The following NEURL3 variants were observed in gnomAD, a reference collection of about 807,000 sequenced individuals.
NEURL3 encodes the protein neuralized E3 ubiquitin protein ligase 3, also known as E3 ubiquitin-protein ligase NEURL3.
A neutral mutation model predicts 17.6 loss-of-function variants in NEURL3; 19 were observed. The observed-to-expected ratio is 1.08, with a 90% CI of 0.75 to 1.58. The LOEUF (loss-of-function observed/expected upper bound fraction) is 1.58, where lower values mean the gene tolerates loss of function less well. Among genes scored for constraint, NEURL3 ranks in the 40% most tolerant of loss-of-function variants. The pLI is 0.00. For synonymous variants in NEURL3, 180 were observed against 161.4 expected, an observed-to-expected ratio of 1.11 and a Z score of -0.87; for missense variants, 342 against 379.6, an observed-to-expected ratio of 0.90 and a Z score of 0.82.
chr2:96,500,430 T>A lies in NEURL3; in HGVS notation c.514+9A>T, dbSNP rs780121857. The A allele has an allele frequency of 2.5e-6, 4 of 1,596,970 alleles. No homozygotes were observed. The highest frequency in any genetic ancestry group is 3.4e-6 in the Non-Finnish European group (4 of 1,179,150). ...CACCTCCCCTGCGGGGTCCCCATGGTCGCCTCACCCAGCAGCTCGATGGCC... is the reference window on the plus strand; with the variant it reads ...CACCTCCCCTGCGGGGTCCCCATGGACGCCTCACCCAGCAGCTCGATGGCC... On this transcript the variant is annotated intron_variant, in intron 2 of 3. Coordinates refer to ENST00000451794, the MANE Select transcript of NEURL3 (RefSeq NM_001285485.2).
intron 1 of NEURL3, 26 bp from the exon 2 acceptor site, chr2:96,500,950 AGT>A (rs2065501785): frequency 1.3e-6 from 2 of 1,532,342 alleles, no homozygotes; most frequent in Non-Finnish European, 1.7e-6. Flanking sequence ...GGGGAGTGTC[AGT>A]GCTAACCGGG....
rs935253698 is a variant in NEURL3, at chr2:96,498,672, A to G, written c.587-226T>C. Among the ~76,000 whole-genome samples, 1 of 152,260 alleles carries G rather than the reference A, an allele frequency of 6.6e-6. No homozygotes were observed. The highest frequency in any genetic ancestry group is 1.5e-5 in the Non-Finnish European group (1 of 68,040). Reference sequence around the variant, plus strand: ...TTTAGAGAGAAGGAAAACGCAGCACAGACAAGTCCCTATATACACACGTCT... The same window carrying G: ...TTTAGAGAGAAGGAAAACGCAGCACGGACAAGTCCCTATATACACACGTCT... On this transcript the variant is annotated intron_variant, in intron 3 of 3. Coordinates refer to ENST00000451794, the MANE Select transcript of NEURL3 (RefSeq NM_001285485.2). The surrounding 1 kb of genome is among the most constrained non-coding windows in gnomAD (Gnocchi z 4.4).
chr2:96,502,225 T>G (rs2579505), intron 1 of NEURL3, among the ~76,000 whole-genome samples: 1 of 152,144 alleles, frequency 6.6e-6, no homozygotes, highest in East Asian at 1.9e-4. Flanking sequence ...CATCCCTTCC[T>G]GCGAATCCCA....
chr2:96,500,244 G>T, intron 2 of NEURL3, 195 bp downstream of exon 2: 1 of 695,064 alleles, frequency 1.4e-6, no homozygotes, highest in Non-Finnish European at 2.4e-6. Context: ...CATTCTTTAG[G>T]GACAAGACTG....
Position 96,498,413 on chromosome 2 carries a change from T to C in NEURL3, c.620A>G (p.Tyr207Cys), listed in dbSNP as rs1227121165. 8.1e-6 allele frequency: 13 copies of C among 1,598,674 alleles called. No individual in the cohort carries two copies. Among genetic ancestry groups the C allele is most frequent in the African/African-American group, 4.0e-5 (3 of 74,870 alleles). The change falls in exon 4 of 4, where the codon TAT becomes TGT. Residue 207 changes from tyrosine to cysteine, a missense_variant. Coordinates refer to ENST00000451794, the MANE Select transcript of NEURL3 (RefSeq NM_001285485.2). The surrounding 1 kb of genome is among the most constrained non-coding windows in gnomAD (Gnocchi z 4.4). ...TPGEECAICF[Y>C]HAANTRLVPC... Reference sequence around the variant, plus strand: ...CACAAGGCGGGTGTTGGCAGCGTGATAGAAGCAGATGGCACACTCCTCTCC... The same window carrying C: ...CACAAGGCGGGTGTTGGCAGCGTGACAGAAGCAGATGGCACACTCCTCTCC...
At chr2:96,506,240 C>T (rs374119138), upstream of NEURL3, among the ~76,000 whole-genome samples, 23 of 152,222 alleles carry the variant, frequency 1.5e-4, no homozygotes, top group African/African-American at 5.3e-4. Flanking sequence ...CAGGGTCTCA[C>T]TGTCATTCAG....
At chr2:96,501,213 G>GTTTGT (rs773630022) in intron 1 of NEURL3, among the ~76,000 whole-genome samples, 6 of 152,032 alleles carry the variant, frequency 3.9e-5, no homozygotes, top group Non-Finnish European at 5.9e-5. Context: ...CGGTTTTTTT[G>GTTTGT]TTTGTTTTGT....
At position 96,498,055 on chromosome 2, in the gene NEURL3, C is replaced by T. The variant is rs1006755089; in HGVS notation, c.*189G>A. On this transcript the variant is annotated 3_prime_UTR_variant, in exon 4 of 4. Transcript: ENST00000451794. This position sits in a 1 kb window ranked among gnomAD's most constrained non-coding sequence, Gnocchi z 4.4. ...GGACAGAAAGAGGGGTTTTTCCTTGCTATCCTGTTGGGGAACAGGTGGAGG... is the reference window on the plus strand; with the variant it reads ...GGACAGAAAGAGGGGTTTTTCCTTGTTATCCTGTTGGGGAACAGGTGGAGG... The T allele has an allele frequency of 2.8e-5, 17 of 607,734 alleles. No homozygotes were observed. Among genetic ancestry groups the T allele is most frequent in the African/African-American group, 2.8e-4 (15 of 53,744 alleles). The allele number at this position is 607,734 out of a possible 1,614,324, so 37.6% of individuals were successfully genotyped here. A position where few individuals can be genotyped will look rare whatever the true frequency, so the allele number is the denominator to read the frequency against.
At chr2:96,501,873 C>A (rs1304143627) in intron 1 of NEURL3, among the ~76,000 whole-genome samples, 1 of 152,112 alleles carries the variant, frequency 6.6e-6, no homozygotes, top group South Asian at 2.1e-4. Context: ...AAGGCGAATT[C>A]AATCAGAACT....
intron 1 of NEURL3, among the ~76,000 whole-genome samples, chr2:96,503,439 T>C (rs1247018208): frequency 6.6e-6 from 1 of 152,134 alleles, no homozygotes; most frequent in Admixed American, 6.5e-5. Context: ...TCTGTGCTGC[T>C]CACTCAGGCT....
Position 96,499,466 on chromosome 2 carries a change from A to AACTC in NEURL3, c.515-21_515-18dup, listed in dbSNP as rs1284218275. 1 of 1,598,952 alleles carries AACTC rather than the reference A, an allele frequency of 6.3e-7. No homozygotes were observed. The highest frequency in any genetic ancestry group is 8.5e-7 in the Non-Finnish European group (1 of 1,179,438). On this transcript the variant is annotated splice_polypyrimidine_tract_variant and intron_variant, in intron 2 of 3. Coordinates refer to ENST00000451794, the MANE Select transcript of NEURL3 (RefSeq NM_001285485.2). ...CTGTGGGATCTGAGGCAGAGAGAGA[A>AACTC]ACTCAGGTCCAGGACGGCAAGCCCA...
At position 96,500,640 on chromosome 2, in the gene NEURL3, T is replaced by C; in HGVS notation, c.313A>G (p.Ser105Gly). 6.6e-7 allele frequency: 1 copy of C among 1,519,220 alleles called. No individual in the cohort carries two copies. Among genetic ancestry groups the C allele is most frequent in the Non-Finnish European group, 8.8e-7 (1 of 1,140,294 alleles). 94.1% of individuals were successfully genotyped at this position (1,519,220 alleles called of 1,614,324 possible). ...PFLCPDLEEQ[S>G]PTWAAVLPEG... ...GGCAGCACGGCCGCCCACGTCGGGC[T>C]CTGCTCCTCCAGGTCGGGGCACAGG... is the stretch of plus-strand genomic sequence containing the variant. Residue 105 changes from serine (S) to glycine (G), a missense_variant, in exon 2 of 4, where the codon AGC (serine) becomes GGC (glycine). Physicochemically the swap from Ser to Gly is moderately conservative, Grantham distance 56. Transcript: ENST00000451794.
Position 96,498,587 on chromosome 2 carries a change from A to C in NEURL3, c.587-141T>G. On this transcript the variant is annotated intron_variant, in intron 3 of 3. Transcript: ENST00000451794. This position sits in a 1 kb window ranked among gnomAD's most constrained non-coding sequence, Gnocchi z 4.4. Reference sequence around the variant, plus strand: ...CCTAGTGAGGAAATGCTTACAGTGTAATCAAGTGAAAAAAAGGGGGAAGAA... The same window carrying C: ...CCTAGTGAGGAAATGCTTACAGTGTCATCAAGTGAAAAAAAGGGGGAAGAA... 2.5e-6 allele frequency: 2 copies of C among 799,934 alleles called. No homozygotes were observed. Among genetic ancestry groups the C allele is most frequent in the South Asian group, 3.8e-5 (2 of 53,194 alleles). 49.6% of individuals were successfully genotyped at this position (799,934 alleles called of 1,614,324 possible). A position where few individuals can be genotyped will look rare whatever the true frequency, so the allele number is the denominator to read the frequency against.
At chr2:96,499,535 G>A (rs1000952912) in intron 2 of NEURL3, 86 bp from the exon 3 acceptor site, 69 of 1,239,820 alleles carry the variant, frequency 5.6e-5, no homozygotes, top group South Asian at 2.5e-4. Flanking sequence ...CAAAGTGTCC[G>A]GTCTCCTTTC....
chr2:96,507,354 C>T (rs948157390), upstream of NEURL3, among the ~76,000 whole-genome samples: 1 of 152,204 alleles, frequency 6.6e-6, no homozygotes, highest in African/African-American at 2.4e-5. Context: ...GTGCTTTTCT[C>T]TTGTTGACCT....
chr2:96,499,209 G>C (rs2065472872), intron 3 of NEURL3, 169 bp downstream of exon 3: 2 of 1,402,946 alleles, frequency 1.4e-6, no homozygotes, highest in Middle Eastern at 1.9e-4. Context: ...AAATGCTCTC[G>C]AAGGCAGAGA....
chr2:96,498,480 G>T lies in NEURL3; in HGVS notation c.587-34C>A. ...GGGAGCAACACAGGTCAGGGCACAT[G>T]GGGGAAGGGGTGGGCAACCCGCTCA... is the stretch of plus-strand genomic sequence containing the variant. On this transcript the variant is annotated intron_variant, in intron 3 of 3. Coordinates refer to ENST00000451794, the MANE Select transcript of NEURL3 (RefSeq NM_001285485.2). The surrounding 1 kb of genome is among the most constrained non-coding windows in gnomAD (Gnocchi z 4.4). 6.4e-7 allele frequency: 1 copy of T among 1,559,096 alleles called. No homozygotes were observed. The highest frequency in any genetic ancestry group is 8.7e-7 in the Non-Finnish European group (1 of 1,150,588).
At chr2:96,503,243 C>A (rs986758111) in intron 1 of NEURL3, among the ~76,000 whole-genome samples, 1 of 152,130 alleles carries the variant, frequency 6.6e-6, no homozygotes, top group African/African-American at 2.4e-5. Flanking sequence ...CCTGGGAGCC[C>A]TTGAGAAGCA....
At chr2:96,506,107 A>C (rs1474119533), upstream of NEURL3, among the ~76,000 whole-genome samples, 1 of 152,190 alleles carries the variant, frequency 6.6e-6, no homozygotes, top group Admixed American at 6.5e-5. Context: ...ACTCTAACCT[A>C]GTGCTCCTCA....
Sources: gnomAD v4.1 joint callset for allele counts (sites outside exome capture counted in the v4.1 genomes callset) on GRCh38, gnomAD v4.1.1 for gene constraint, Gnocchi (gnomAD v3.1) non-coding constraint, MANE v1.5 for transcripts, NCBI Gene and HGNC (gene_info 2026-07-23, HGNC 2026-07-21) for gene names.